The following NR2F1-AS1 variants were observed in gnomAD, a reference collection of about 807,000 sequenced individuals.
NR2F1-AS1 encodes the protein NR2F1 regulatory antisense RNA 1, also known as NR2F1 antisense RNA 1.
chr5:93,462,920 CAG>C (rs1173686497), intron 4 of NR2F1-AS1, among the ~76,000 whole-genome samples: 2 of 152,122 alleles, frequency 1.3e-5, no homozygotes, highest in Non-Finnish European at 2.9e-5. Context: ...AAAAGGGAAA[CAG>C]AGCACATAAG....
intron 1 of NR2F1-AS1, chr5:93,570,631 G>A (rs956416861): frequency 3.3e-5 from 5 of 152,246 alleles, no homozygotes; most frequent in African/African-American, 4.8e-5. Flanking sequence ...CTTCCTTCTT[G>A]AATGCCCCCG....
At chr5:93,474,373 C>A (rs1750436245) in intron 4 of NR2F1-AS1, among the ~76,000 whole-genome samples, 2 of 152,180 alleles carry the variant, frequency 1.3e-5, no homozygotes, top group Non-Finnish European at 2.9e-5. Flanking sequence ...TATAACAGTA[C>A]AATACTCAAT....
intron 4 of NR2F1-AS1, among the ~76,000 whole-genome samples, chr5:93,415,178 A>T (rs1174369616): frequency 1.3e-5 from 2 of 152,222 alleles, no homozygotes; most frequent in African/African-American, 2.4e-5. Context: ...GCTGTAACAA[A>T]TACTTCTCTG....
chr5:93,534,587 AT>A (rs1406961743), intron 4 of NR2F1-AS1, among the ~76,000 whole-genome samples: 2 of 152,178 alleles, frequency 1.3e-5, no homozygotes, highest in Non-Finnish European at 2.9e-5. Context: ...TAGTAGCAAG[AT>A]TTTCATTTTC....
chr5:93,580,120 C>T (rs1752987472), intron 1 of NR2F1-AS1, among the ~76,000 whole-genome samples: 1 of 152,198 alleles, frequency 6.6e-6, no homozygotes, highest in Non-Finnish European at 1.5e-5. Context: ...GTTAAACGTG[C>T]GGGTCCCCGT....
intron 4 of NR2F1-AS1, among the ~76,000 whole-genome samples, chr5:93,485,431 T>C (rs1009366466): frequency 2.0e-5 from 3 of 152,114 alleles, no homozygotes; most frequent in Non-Finnish European, 2.9e-5. Context: ...AGACACAACA[T>C]ACCAGAATCT....
intron 4 of NR2F1-AS1, among the ~76,000 whole-genome samples, chr5:93,435,401 T>C (rs762860139): frequency 5.9e-5 from 9 of 152,206 alleles, no homozygotes; most frequent in Admixed American, 2.0e-4. Flanking sequence ...TATCACTTTA[T>C]TTGTTTTCTG....
intron 2 of NR2F1-AS1, among the ~76,000 whole-genome samples, chr5:93,558,062 T>C (rs1277734985): frequency 6.6e-6 from 1 of 152,134 alleles, no homozygotes; most frequent in African/African-American, 2.4e-5. Flanking sequence ...CTAATTATAG[T>C]TCTCCCTATT....
intron 4 of NR2F1-AS1, among the ~76,000 whole-genome samples, chr5:93,508,282 T>C (rs904283567): frequency 7.2e-5 from 11 of 152,148 alleles, no homozygotes; most frequent in African/African-American, 2.7e-4. Context: ...CCACACAGAA[T>C]AGGGAACCCA....
chr5:93,583,536 AGGAG>A (rs1236576590), upstream of NR2F1-AS1: 1 of 150,384 alleles, frequency 6.6e-6, no homozygotes, highest in Non-Finnish European at 1.5e-5. Flanking sequence ...GAAAAAAAAA[AGGAG>A]GAGGAGGAGG....
intron 4 of NR2F1-AS1, among the ~76,000 whole-genome samples, chr5:93,535,688 A>G (rs1487003785): frequency 6.6e-6 from 1 of 152,204 alleles, no homozygotes; most frequent in South Asian, 2.1e-4. Context: ...TAGAGATGCA[A>G]AACAGTAAAT....
At chr5:93,460,607 C>A (rs1455620112) in intron 4 of NR2F1-AS1, among the ~76,000 whole-genome samples, 3 of 152,006 alleles carry the variant, frequency 2.0e-5, no homozygotes, top group Non-Finnish European at 1.5e-5. Context: ...TACTCTCACC[C>A]AAGAATTATC....
At chr5:93,512,004 G>C (rs1369035464) in intron 4 of NR2F1-AS1, among the ~76,000 whole-genome samples, 1 of 152,152 alleles carries the variant, frequency 6.6e-6, no homozygotes, top group Admixed American at 6.6e-5. Context: ...AAATGACTAT[G>C]TTACTGGCTT....
chr5:93,507,374 G>T (rs531230583), intron 4 of NR2F1-AS1, among the ~76,000 whole-genome samples: 4 of 143,128 alleles, frequency 2.8e-5, no homozygotes, highest in African/African-American at 8.1e-5. Context: ...TGTTTTGTTT[G>T]GAGACGAAGT....
chr5:93,542,557 G>A (rs1000130161), intron 4 of NR2F1-AS1: 1 of 152,118 alleles, frequency 6.6e-6, no homozygotes, highest in African/African-American at 2.4e-5. Flanking sequence ...ACCACTAGTT[G>A]AGGCCATTCC....
chr5:93,482,824 C>A (rs1299463663), intron 4 of NR2F1-AS1, among the ~76,000 whole-genome samples: 1 of 152,202 alleles, frequency 6.6e-6, no homozygotes, highest in African/African-American at 2.4e-5. Flanking sequence ...ACAGTGTAAA[C>A]AAAGCCTCTG....
intron 4 of NR2F1-AS1, among the ~76,000 whole-genome samples, chr5:93,466,656 A>G (rs934772954): frequency 6.6e-6 from 1 of 151,846 alleles, no homozygotes; most frequent in Non-Finnish European, 1.5e-5. Context: ...CTTTGCTATT[A>G]ATCAGTAGCC....
intron 4 of NR2F1-AS1, among the ~76,000 whole-genome samples, chr5:93,533,668 A>G (rs1421778823): frequency 6.6e-6 from 1 of 152,186 alleles, no homozygotes; most frequent in African/African-American, 2.4e-5. Flanking sequence ...AGCACTTTAC[A>G]TCGATTAGCT....
At chr5:93,454,859 G>A (rs1001755068) in intron 4 of NR2F1-AS1, among the ~76,000 whole-genome samples, 3 of 152,144 alleles carry the variant, frequency 2.0e-5, no homozygotes, top group Non-Finnish European at 4.4e-5. Context: ...GGTGCACCCT[G>A]AGAGGCCATG....
Sources: gnomAD v4.1 joint callset for allele counts (sites outside exome capture counted in the v4.1 genomes callset) on GRCh38, gnomAD v4.1.1 for gene constraint, MANE v1.5 for transcripts, NCBI Gene and HGNC (gene_info 2026-07-23, HGNC 2026-07-21) for gene names.